Variants in PPP3R1 observed in about 807,000 individuals in gnomAD.
PPP3R1 encodes the protein calcineurin subunit B type 1.
Under a neutral mutation model 22.6 loss-of-function variants are expected in PPP3R1, and 5 were observed. That is an observed-to-expected ratio of 0.22 (90% CI 0.12 to 0.46). The LOEUF (loss-of-function observed/expected upper bound fraction) is 0.46. Ranked by LOEUF, PPP3R1 falls within the 20% of genes least tolerant of loss-of-function variation. The probability of loss-of-function intolerance (pLI) is 0.99; values close to 1 mark genes in which losing one functional copy is unlikely to be tolerated. For synonymous variants in PPP3R1, 56 were observed against 65.2 expected (o/e 0.86, Z 0.68); for missense variants, 61 against 203.2 (o/e 0.30, Z 4.25).
intron 3 of PPP3R1, 22 bp downstream of exon 3, chr2:68,188,492 T>TA (rs1488291857): frequency 6.4e-7 from 1 of 1,551,516 alleles, no homozygotes; most frequent in East Asian, 2.3e-5. Context: ...CTTGTGGTTA[T>TA]AAAAAATAAC....
chr2:68,238,316 A>G (rs1475952697), intron 1 of PPP3R1, among the ~76,000 whole-genome samples: 1 of 152,206 alleles, frequency 6.6e-6, no homozygotes, highest in African/African-American at 2.4e-5. Flanking sequence ...AAAGTTACTT[A>G]CAAATGGCCA....
intron 5 of PPP3R1, among the ~76,000 whole-genome samples, chr2:68,181,722 T>C (rs1674407574): frequency 6.6e-6 from 1 of 152,050 alleles, no homozygotes; most frequent in Non-Finnish European, 1.5e-5. Flanking sequence ...AGTAGTTTAA[T>C]ATCACACGAT....
chr2:68,189,876 T>C (rs1674624300), intron 2 of PPP3R1, among the ~76,000 whole-genome samples: 2 of 151,286 alleles, frequency 1.3e-5, no homozygotes, highest in African/African-American at 2.4e-5. Context: ...CTCAAAAAAT[T>C]AAAAATAAAA....
At chr2:68,240,128 G>GT (rs1670091907) in intron 1 of PPP3R1, among the ~76,000 whole-genome samples, 3 of 152,064 alleles carry the variant, frequency 2.0e-5, no homozygotes, top group Non-Finnish European at 4.4e-5. Context: ...TAACCCCAAC[G>GT]TAAGTCAAGG....
At chr2:68,206,860 G>A (rs532159656) in intron 2 of PPP3R1, among the ~76,000 whole-genome samples, 1 of 152,190 alleles carries the variant, frequency 6.6e-6, no homozygotes, top group Admixed American at 6.5e-5. Flanking sequence ...TTAAAAAGTA[G>A]CACAACTACA....
At chr2:68,197,917 T>G (rs7566066) in intron 2 of PPP3R1, among the ~76,000 whole-genome samples, 36,699 of 151,454 alleles carry the variant, frequency 0.24, 4,653 homozygotes, top group African/African-American at 0.29. Flanking sequence ...TTCTTCTAGA[T>G]GTTCCATTGT....
rs1159775159 is a variant in PPP3R1 at position 68,179,043 on chromosome 2, G to T, written c.*1920C>A. 6.8e-6 allele frequency: 1 copy of T among 147,772 alleles called. No homozygotes were observed. Among genetic ancestry groups the T allele is most frequent in the Non-Finnish European group, 1.5e-5 (1 of 67,238 alleles). The allele number at this position is 147,772 out of a possible 1,614,324, so 9.2% of individuals were successfully genotyped here. On this transcript the variant is annotated 3_prime_UTR_variant, in exon 6 of 6. Transcript: ENST00000234310. ...AAAAAGAAAAAACCCTCATTCCCCG[G>T]TAAGGAAATAATGTTTACACTATTT...
intron 2 of PPP3R1, among the ~76,000 whole-genome samples, chr2:68,202,378 G>A (rs563878593): frequency 2.6e-5 from 4 of 151,558 alleles, no homozygotes; most frequent in South Asian, 2.1e-4. Flanking sequence ...AGCAAATAAA[G>A]CCAGTCCTTC....
In PPP3R1 at chr2:68,207,860, T is replaced by C. The variant is rs1669346008; in HGVS notation, c.43+9232A>G. Among the ~76,000 whole-genome samples, 2 of 152,122 alleles carry C rather than the reference T, an allele frequency of 1.3e-5. 1 individual carries two copies. The highest frequency in any genetic ancestry group is 4.1e-4 in the South Asian group (2 of 4,832). On this transcript the variant is annotated intron_variant, in intron 2 of 5. Coordinates refer to ENST00000234310, the MANE Select transcript of PPP3R1 (RefSeq NM_000945.4). Reference sequence around the variant, plus strand: ...AACTCTTTCAATTCTAGAGAAACTATAAAACAGACTCATTGCAGGGCGCAG... The same window carrying C: ...AACTCTTTCAATTCTAGAGAAACTACAAAACAGACTCATTGCAGGGCGCAG...
chr2:68,229,965 T>TACACACACACACACACACACACAC (rs1157191768), intron 1 of PPP3R1, among the ~76,000 whole-genome samples: 1 of 49,494 alleles, frequency 2.0e-5, no homozygotes, highest in South Asian at 9.3e-4. Flanking sequence ...TGTGTATATA[T>TACACACACACACACACACACACAC]ACACACATAC....
chr2:68,217,568 C>CA (rs1221460685), intron 1 of PPP3R1, among the ~76,000 whole-genome samples: 5 of 151,740 alleles, frequency 3.3e-5, no homozygotes, highest in South Asian at 4.2e-4. Context: ...CTGTTAAAAA[C>CA]AAAAAAACAG....
At chr2:68,226,692 T>C (rs1015874162) in intron 1 of PPP3R1, among the ~76,000 whole-genome samples, 1 of 152,164 alleles carries the variant, frequency 6.6e-6, no homozygotes, top group Non-Finnish European at 1.5e-5. Flanking sequence ...TATCTTTTGA[T>C]ATCCTTTGCC....
chr2:68,182,417 A>C (rs1674433988), intron 5 of PPP3R1, among the ~76,000 whole-genome samples: 1 of 152,050 alleles, frequency 6.6e-6, no homozygotes, highest in South Asian at 2.1e-4. Context: ...CAGGTCTCTT[A>C]AGATTTTTAG....
intron 1 of PPP3R1, among the ~76,000 whole-genome samples, chr2:68,221,935 A>G (rs1173285871): frequency 2.6e-5 from 4 of 152,140 alleles, no homozygotes; most frequent in Non-Finnish European, 5.9e-5. Context: ...AACTGAAAGG[A>G]AAGATTAGGC....
At position 68,192,589 on chromosome 2, in the gene PPP3R1, G is replaced by A. The variant is rs530592048; in HGVS notation, c.44-3899C>T. On this transcript the variant is annotated intron_variant, in intron 2 of 5. Transcript: ENST00000234310. ...CTACTCAGAAAACTCCTCCAATCAA[G>A]AAGATAGCATTTCAGTCTTAATAAA... Among the ~76,000 whole-genome samples, 4 of 151,794 alleles carry A rather than the reference G, an allele frequency of 2.6e-5. No homozygotes were observed. The East Asian group carries it at 7.7e-4, about 29-fold the overall frequency.
At chr2:68,225,871 T>C (rs1669770966) in intron 1 of PPP3R1, among the ~76,000 whole-genome samples, 1 of 152,220 alleles carries the variant, frequency 6.6e-6, no homozygotes, top group Non-Finnish European at 1.5e-5. Flanking sequence ...CACAGAAATC[T>C]GTACTCACAT....
At chr2:68,191,947 T>C (rs924259137) in intron 2 of PPP3R1, among the ~76,000 whole-genome samples, 3 of 152,226 alleles carry the variant, frequency 2.0e-5, no homozygotes, top group Non-Finnish European at 4.4e-5. Flanking sequence ...CTTATTTATT[T>C]ATATGTCTAC....
intron 2 of PPP3R1, among the ~76,000 whole-genome samples, chr2:68,212,936 C>T (rs1572964287): frequency 6.6e-6 from 1 of 152,234 alleles, no homozygotes; most frequent in Non-Finnish European, 1.5e-5. Flanking sequence ...GATGGCTTAT[C>T]TCCTTATACT....
intron 2 of PPP3R1, among the ~76,000 whole-genome samples, chr2:68,200,196 T>G (rs1048722090): frequency 6.6e-6 from 1 of 152,218 alleles, no homozygotes; most frequent in Non-Finnish European, 1.5e-5. Flanking sequence ...GGCATAAAAT[T>G]GCTTCTAACA....
Sources: allele counts gnomAD v4.1 joint callset (sites outside exome capture counted in the v4.1 genomes callset), GRCh38; gene constraint gnomAD v4.1.1; transcripts MANE v1.5; gene names NCBI Gene and HGNC (gene_info 2026-07-23, HGNC 2026-07-21).